Variants in LRRC4C observed in about 807,000 individuals in gnomAD.
LRRC4C encodes the protein leucine-rich repeat-containing protein 4C.
LRRC4C carries 5 observed loss-of-function variants against 33.6 expected under a neutral mutation model. The observed-to-expected ratio is 0.15, with a 90% CI of 0.08 to 0.31. The LOEUF (loss-of-function observed/expected upper bound fraction) is 0.31, where lower values mean the gene tolerates loss of function less well. Among genes scored for constraint, LRRC4C ranks in the 10% least tolerant of loss-of-function variants. The pLI is 1.00. For missense variants in LRRC4C, 560 were observed against 796.7 expected, an observed-to-expected ratio of 0.70 and a Z score of 3.58; for synonymous variants, 329 against 302.0, an observed-to-expected ratio of 1.09 and a Z score of -0.93.
chr11:40,136,367 C>T (rs76708186), intron 6 of LRRC4C, among the ~76,000 whole-genome samples: 9,669 of 151,866 alleles, frequency 0.064, 379 homozygotes, highest in East Asian at 0.17. Flanking sequence ...CCTGGGTTCA[C>T]GCCATTCTCC....
At chr11:41,049,421 A>G (rs1311546788) in intron 1 of LRRC4C, among the ~76,000 whole-genome samples, 2 of 152,238 alleles carry the variant, frequency 1.3e-5, no homozygotes, top group Non-Finnish European at 2.9e-5. Flanking sequence ...CAGCAGTGTG[A>G]AAACGGATTA....
At chr11:40,751,044 A>G (rs1948666550) in intron 2 of LRRC4C, among the ~76,000 whole-genome samples, 1 of 152,024 alleles carries the variant, frequency 6.6e-6, no homozygotes, top group Admixed American at 6.6e-5. Flanking sequence ...AGATGCCGAA[A>G]AACACAATTG....
At chr11:40,950,707 C>T (rs1445902642) in intron 1 of LRRC4C, among the ~76,000 whole-genome samples, 1 of 151,936 alleles carries the variant, frequency 6.6e-6, no homozygotes, top group Admixed American at 6.6e-5. Context: ...TTAATTGTGT[C>T]TTAATTGTTC....
At chr11:40,172,392 A>G (rs1860118712) in intron 5 of LRRC4C, among the ~76,000 whole-genome samples, 1 of 152,200 alleles carries the variant, frequency 6.6e-6, no homozygotes, top group African/African-American at 2.4e-5. Context: ...TCCCCACAGA[A>G]CAGCCAGAAT....
intron 2 of LRRC4C, among the ~76,000 whole-genome samples, chr11:40,760,662 G>T (rs1351376785): frequency 3.3e-5 from 5 of 150,600 alleles, no homozygotes; most frequent in South Asian, 2.1e-4. Context: ...CCAGGCTGAA[G>T]TGTAGTTGTG....
intron 1 of LRRC4C, among the ~76,000 whole-genome samples, chr11:41,207,509 G>A (rs781604661): frequency 2.0e-5 from 3 of 152,094 alleles, no homozygotes; most frequent in Non-Finnish European, 4.4e-5. Flanking sequence ...CAAAAGAGTA[G>A]GGCCTTAATT....
chr11:40,704,129 C>A (rs1591508547), intron 2 of LRRC4C, among the ~76,000 whole-genome samples: 1 of 152,144 alleles, frequency 6.6e-6, no homozygotes. Flanking sequence ...ATTTACAGAG[C>A]ATTTACATTG....
intron 3 of LRRC4C, among the ~76,000 whole-genome samples, chr11:40,448,971 G>A (rs1446974101): frequency 6.6e-6 from 1 of 152,128 alleles, no homozygotes; most frequent in Non-Finnish European, 1.5e-5. Flanking sequence ...TCTCATTGTG[G>A]TTTTGATTTG....
In LRRC4C at chr11:40,153,811, C is replaced by A. The variant is rs148851081; in HGVS notation, c.-95-12958G>T. On this transcript the variant is annotated intron_variant, in intron 5 of 6. Coordinates refer to ENST00000528697, the MANE Select transcript of LRRC4C (RefSeq NM_001258419.2). Reference sequence around the variant, plus strand: ...CTGGGAGTATGTTAAATGAAAAAAACCTAAGAATAATCAGTGTTCCTGAGG... The same window carrying A: ...CTGGGAGTATGTTAAATGAAAAAAAACTAAGAATAATCAGTGTTCCTGAGG... 3.8e-3 allele frequency among the ~76,000 whole-genome samples: 579 copies of A among 151,948 alleles called. 6 individuals are homozygous for A. The highest frequency in any genetic ancestry group is 0.012 in the African/African-American group (509 of 41,444).
intron 3 of LRRC4C, among the ~76,000 whole-genome samples, chr11:40,546,566 G>A (rs1236548086): frequency 6.6e-6 from 1 of 151,972 alleles, no homozygotes; most frequent in African/African-American, 2.4e-5. Flanking sequence ...TTTTGCAGAT[G>A]AAAAAATTTG....
intron 3 of LRRC4C, among the ~76,000 whole-genome samples, chr11:40,442,791 C>G (rs1951455191): frequency 6.6e-6 from 1 of 152,132 alleles, no homozygotes; most frequent in South Asian, 2.1e-4. Flanking sequence ...TACAGCCATT[C>G]TAAGATTTTC....
intron 5 of LRRC4C, among the ~76,000 whole-genome samples, chr11:40,161,793 T>C (rs4756578): frequency 0.51 from 76,775 of 151,946 alleles, 19,547 homozygotes; most frequent in East Asian, 0.6. Context: ...GGCAATAAGT[T>C]CTGTCATATA....
chr11:41,189,573 AT>A (rs1218452928), intron 1 of LRRC4C, among the ~76,000 whole-genome samples: 1 of 152,178 alleles, frequency 6.6e-6, no homozygotes, highest in Non-Finnish European at 1.5e-5. Flanking sequence ...AAGACTTGGC[AT>A]TAAGAATGCA....
Position 40,392,893 on chromosome 11 carries a change from A to G in LRRC4C, c.-269-73172T>C, listed in dbSNP as rs144123013. ...GAGTGCTCGCGAAATGCCCCGCTGA[A>G]TATTTCTTGGTGGGATAAAGAACCA... On this transcript the variant is annotated intron_variant, in intron 3 of 6. Transcript: ENST00000528697. 4.1e-4 allele frequency among the ~76,000 whole-genome samples: 63 copies of G among 152,280 alleles called. 1 individual carries two copies. Among genetic ancestry groups the G allele is most frequent in the African/African-American group, 1.4e-3 (58 of 41,572 alleles).
chr11:40,456,494 A>C (rs1183329714), intron 3 of LRRC4C, among the ~76,000 whole-genome samples: 1 of 152,126 alleles, frequency 6.6e-6, no homozygotes, highest in Non-Finnish European at 1.5e-5. Context: ...GCAAGAAAAA[A>C]AAGTGACAGA....
chr11:41,213,792 T>G (rs1401820949), intron 1 of LRRC4C, among the ~76,000 whole-genome samples: 1 of 152,210 alleles, frequency 6.6e-6, no homozygotes, highest in African/African-American at 2.4e-5. Flanking sequence ...CCCAACATCC[T>G]TAATGAAATC....
chr11:40,492,757 C>T (rs919244009), intron 3 of LRRC4C, among the ~76,000 whole-genome samples: 48 of 152,190 alleles, frequency 3.2e-4, no homozygotes, highest in African/African-American at 1.1e-3. Flanking sequence ...CATCAACAGG[C>T]TTTACCTATG....
chr11:41,004,295 T>A (rs1854580527), intron 1 of LRRC4C, among the ~76,000 whole-genome samples: 1 of 152,176 alleles, frequency 6.6e-6, no homozygotes. Context: ...GTTGCTAGTT[T>A]TCATTATGAC....
At chr11:40,581,708 C>T (rs540969900) in intron 3 of LRRC4C, among the ~76,000 whole-genome samples, 3 of 152,214 alleles carry the variant, frequency 2.0e-5, no homozygotes, top group East Asian at 1.9e-4. Context: ...TCGAGACCAG[C>T]CTGGCCAGCA....
Sources: gnomAD v4.1 joint callset for allele counts (sites outside exome capture counted in the v4.1 genomes callset) on GRCh38, gnomAD v4.1.1 for gene constraint, MANE v1.5 for transcripts, NCBI Gene and HGNC (gene_info 2026-07-23, HGNC 2026-07-21) for gene names.